CHST9: variants seen among roughly 807,000 people sequenced by gnomAD.
The protein encoded by CHST9 is GalNAc-4-sulfotransferase 2.
In CHST9, 41 loss-of-function variants were observed where a neutral mutation model predicts 44.4. That is an observed-to-expected ratio of 0.92 (90% CI 0.72 to 1.20). The LOEUF is 1.20. CHST9 is among the 50% of genes most tolerant of loss of function. The probability of loss-of-function intolerance (pLI) is 0.00; values close to 1 mark genes in which losing one functional copy is unlikely to be tolerated. For missense variants in CHST9, 504 were observed against 516.5 expected, an observed-to-expected ratio of 0.98 and a Z score of 0.23; for synonymous variants, 171 against 178.4, an observed-to-expected ratio of 0.96 and a Z score of 0.33.
intron 4 of CHST9, among the ~76,000 whole-genome samples, chr18:26,972,300 T>TGA (rs1445274850): frequency 7.6e-6 from 1 of 131,320 alleles, no homozygotes; most frequent in Non-Finnish European, 1.5e-5. Context: ...GAGGTTGTAG[T>TGA]GAGCCGAGAT....
chr18:27,169,598 C>CTTTT lies in CHST9; in HGVS notation c.-97+15534_-97+15537dup, dbSNP rs1156859087. ...CAAAATGTATAAAACATATATTCTTCTTTTTTTTTTTTTTTTTTTTTTTTT... is the reference window on the plus strand; with the variant it reads ...CAAAATGTATAAAACATATATTCTTCTTTTTTTTTTTTTTTTTTTTTTTTTTTTT... On this transcript the variant is annotated intron_variant, in intron 1 of 5. Transcript: ENST00000618847. Among the ~76,000 whole-genome samples the CTTTT allele has an allele frequency of 7.0e-3, 572 of 82,184 alleles. 18 individuals carry two copies. Among genetic ancestry groups the CTTTT allele is most frequent in the African/African-American group, 0.02 (399 of 20,066 alleles). The allele number at this position is 82,184 out of a possible 152,430, so 53.9% of individuals were successfully genotyped here.
At chr18:26,941,494 G>T (rs1303063579) in intron 5 of CHST9, among the ~76,000 whole-genome samples, 3 of 151,480 alleles carry the variant, frequency 2.0e-5, no homozygotes, top group Non-Finnish European at 2.9e-5. Context: ...GATTTCGAAA[G>T]CATTTTTGGT....
chr18:26,920,280 C>T (rs75774450), intron 5 of CHST9, among the ~76,000 whole-genome samples: 9,204 of 152,292 alleles, frequency 0.06, 391 homozygotes, highest in Middle Eastern at 0.1. Context: ...AATTCTTTGA[C>T]CACTTTTCAC....
At chr18:27,113,786 A>T (rs1408189525) in intron 2 of CHST9, among the ~76,000 whole-genome samples, 2 of 152,224 alleles carry the variant, frequency 1.3e-5, no homozygotes, top group Non-Finnish European at 2.9e-5. Context: ...ATTTTGTTGT[A>T]GAAGTCCAAA....
rs2058135812 is a variant in CHST9, at chr18:27,098,178, T to C, written c.121+44511A>G. Among the ~76,000 whole-genome samples the C allele has an allele frequency of 2.0e-5, 3 of 151,830 alleles. No individual in the cohort carries two copies. The South Asian group carries it at 6.2e-4, about 31-fold the overall frequency. Reference sequence around the variant, plus strand: ...AACAGACACTTCTCAAAAGAAGACATTTATGTGGCGAAAAAACATTAAAAA... The same window carrying C: ...AACAGACACTTCTCAAAAGAAGACACTTATGTGGCGAAAAAACATTAAAAA... On this transcript the variant is annotated intron_variant, in intron 2 of 5. Coordinates refer to ENST00000618847, the MANE Select transcript of CHST9 (RefSeq NM_031422.6).
chr18:27,167,392 C>T (rs1209420545), intron 1 of CHST9, among the ~76,000 whole-genome samples: 2 of 152,198 alleles, frequency 1.3e-5, no homozygotes, highest in Admixed American at 1.3e-4. Context: ...TGCCCATCTC[C>T]ATATCCATCA....
chr18:26,969,224 G>T (rs1004650557), intron 4 of CHST9, among the ~76,000 whole-genome samples: 1 of 151,932 alleles, frequency 6.6e-6, no homozygotes, highest in Middle Eastern at 3.4e-3. Flanking sequence ...GGTTGGTCTC[G>T]ATCTCCTGAC....
intron 2 of CHST9, among the ~76,000 whole-genome samples, chr18:27,073,807 G>A (rs985237465): frequency 6.6e-6 from 1 of 151,940 alleles, no homozygotes; most frequent in Non-Finnish European, 1.5e-5. Flanking sequence ...CTTACTTTTT[G>A]TGACTATTTA....
intron 4 of CHST9, among the ~76,000 whole-genome samples, chr18:26,969,000 CTTT>C (rs34898136): frequency 0.02 from 2,604 of 132,718 alleles, 68 homozygotes; most frequent in African/African-American, 0.059. Flanking sequence ...TTTATGCAGT[CTTT>C]TTTTTTTTTT....
At chr18:27,007,374 G>T (rs1401388318) in intron 4 of CHST9, among the ~76,000 whole-genome samples, 1 of 152,170 alleles carries the variant, frequency 6.6e-6, no homozygotes, top group Non-Finnish European at 1.5e-5. Flanking sequence ...CAGTAGCAAG[G>T]AGGTGACACT....
intron 2 of CHST9, among the ~76,000 whole-genome samples, chr18:27,053,218 G>GAAGAAGAAGAAGAA (rs2057599065): frequency 2.8e-4 from 9 of 32,358 alleles, no homozygotes; most frequent in African/African-American, 6.9e-4. Flanking sequence ...AGGAGGAAGA[G>GAAGAAGAAGAAGAA]GAAGAAGAAG....
intron 4 of CHST9, among the ~76,000 whole-genome samples, chr18:27,005,974 C>T (rs2057011291): frequency 6.6e-6 from 1 of 152,062 alleles, no homozygotes; most frequent in South Asian, 2.1e-4. Flanking sequence ...ATTTATATTC[C>T]CATAGCTGCA....
At chr18:26,990,512 C>T (rs573644274) in intron 4 of CHST9, among the ~76,000 whole-genome samples, 1 of 152,256 alleles carries the variant, frequency 6.6e-6, no homozygotes, top group South Asian at 2.1e-4. Flanking sequence ...TGTTTCACTT[C>T]CAAAAATAAT....
intron 2 of CHST9, among the ~76,000 whole-genome samples, chr18:27,097,319 C>T (rs894690901): frequency 2.0e-5 from 3 of 151,996 alleles, no homozygotes; most frequent in East Asian, 3.9e-4. Context: ...GAACCATTTC[C>T]GTGGAGAACT....
intron 1 of CHST9, among the ~76,000 whole-genome samples, chr18:27,170,837 T>C (rs1182495514): frequency 6.6e-6 from 1 of 152,188 alleles, no homozygotes; most frequent in African/African-American, 2.4e-5. Context: ...GAGCTTAATA[T>C]AGATTTTTGT....
chr18:27,040,657 T>A (rs2057434743), intron 3 of CHST9, among the ~76,000 whole-genome samples: 1 of 152,178 alleles, frequency 6.6e-6, no homozygotes, highest in South Asian at 2.1e-4. Context: ...GATTTTCAGT[T>A]AAATAATCAG....
At chr18:26,962,981 T>C (rs924375711) in intron 4 of CHST9, among the ~76,000 whole-genome samples, 1 of 152,208 alleles carries the variant, frequency 6.6e-6, no homozygotes, top group Non-Finnish European at 1.5e-5. Context: ...TTTGAAACTT[T>C]AAAGCTGACA....
At chr18:27,107,709 G>A (rs2058233578) in intron 2 of CHST9, among the ~76,000 whole-genome samples, 1 of 152,104 alleles carries the variant, frequency 6.6e-6, no homozygotes, top group Admixed American at 6.5e-5. Context: ...TCATCCTACA[G>A]GACATTCCAC....
intron 4 of CHST9, among the ~76,000 whole-genome samples, chr18:26,998,739 C>CAAAAAA (rs11480705): frequency 2.6e-5 from 3 of 114,058 alleles, no homozygotes; most frequent in Non-Finnish European, 5.6e-5. Flanking sequence ...ACAACAACAA[C>CAAAAAA]AAAAAAAAAA....
Sources: allele counts gnomAD v4.1 joint callset (sites outside exome capture counted in the v4.1 genomes callset), GRCh38; gene constraint gnomAD v4.1.1; transcripts MANE v1.5; gene names NCBI Gene and HGNC (gene_info 2026-07-23, HGNC 2026-07-21).